The following DNMT3A variants were observed in gnomAD, a reference collection of about 807,000 sequenced individuals.
DNMT3A encodes the protein DNA (cytosine-5)-methyltransferase 3A.
Under a neutral mutation model 117.6 loss-of-function variants are expected in DNMT3A, and 267 were observed. The observed-to-expected ratio is 2.27, with a 90% CI of 2.05 to 2.51. DNMT3A has a LOEUF of 2.51. Ranked by LOEUF, DNMT3A falls within the 30% of genes most tolerant of loss-of-function variation. The probability of loss-of-function intolerance (pLI) is 0.00; values close to 1 mark genes in which losing one functional copy is unlikely to be tolerated. For missense variants in DNMT3A, 1,029 were observed against 1,260.2 expected, an observed-to-expected ratio of 0.82 and a Z score of 2.78; for synonymous variants, 432 against 474.8, an observed-to-expected ratio of 0.91 and a Z score of 1.17.
At chr2:25,287,922 C>A (rs1044037689) in intron 3 of DNMT3A, among the ~76,000 whole-genome samples, 1 of 151,778 alleles carries the variant, frequency 6.6e-6, no homozygotes, top group South Asian at 2.1e-4. Context: ...ACAACCTCCA[C>A]CTCCTGGGTT....
chr2:25,273,302 G>C (rs560019025), intron 6 of DNMT3A, among the ~76,000 whole-genome samples: 9 of 152,226 alleles, frequency 5.9e-5, no homozygotes, highest in Middle Eastern at 3.4e-3. Context: ...GGTAGAGACA[G>C]GGGTTCACCA....
At position 25,234,786 on chromosome 2, in the gene DNMT3A, A is replaced by G. The variant is rs1164536816; in HGVS notation, c.2598-366T>C. On this transcript the variant is annotated intron_variant, in intron 22 of 22. Coordinates refer to ENST00000321117, the MANE Select transcript of DNMT3A (RefSeq NM_022552.5). This position sits in a 1 kb window ranked among gnomAD's most constrained non-coding sequence, Gnocchi z 4.5. The stretch of plus-strand genomic sequence containing the variant: ...TCTAGTTCTCCTCTCCTGCAGGGTT[A>G]GCTCGGCAACGTACACCTGGAGTCT... Among the ~76,000 whole-genome samples the G allele has an allele frequency of 6.6e-6, 1 of 152,222 alleles. No homozygotes were observed. The highest frequency in any genetic ancestry group is 1.5e-5 in the Non-Finnish European group (1 of 68,042).
chr2:25,320,022 G>A (rs1367110869), intron 1 of DNMT3A, among the ~76,000 whole-genome samples: 2 of 152,112 alleles, frequency 1.3e-5, no homozygotes, highest in Non-Finnish European at 1.5e-5. Context: ...CACCCGCCTC[G>A]GCCTCCCAAA....
intron 1 of DNMT3A, among the ~76,000 whole-genome samples, chr2:25,326,273 T>G (rs1042466774): frequency 4.6e-5 from 7 of 152,150 alleles, no homozygotes; most frequent in African/African-American, 1.7e-4. Context: ...TCAGTGAGAC[T>G]GTGACTGACT....
chr2:25,290,343 C>T (rs575208293), intron 3 of DNMT3A, among the ~76,000 whole-genome samples: 10 of 123,384 alleles, frequency 8.1e-5, no homozygotes, highest in Admixed American at 3.1e-4. Flanking sequence ...TTTTTTGAGA[C>T]GCAGTCTCAC....
rs1046113358 is a variant in DNMT3A at position 25,296,211 on chromosome 2, T to C, written c.177+3928A>G. 3.3e-5 allele frequency among the ~76,000 whole-genome samples: 5 copies of C among 152,164 alleles called. No homozygotes were observed. The highest frequency in any genetic ancestry group is 1.2e-4 in the African/African-American group (5 of 41,422). On this transcript the variant is annotated intron_variant, in intron 3 of 22. Coordinates refer to ENST00000321117, the MANE Select transcript of DNMT3A (RefSeq NM_022552.5). The surrounding 1 kb of genome is among the most constrained non-coding windows in gnomAD (Gnocchi z 4.2). ...TCTTTATCAGTTCATTTTTATTAAC[T>C]TTGGAGACAGTTGGAGAAGGGAAAG...
Position 25,244,299 on chromosome 2 carries a change from C to T in DNMT3A, c.1707G>A (p.Pro569=), listed in dbSNP as rs749106325. The T allele has an allele frequency of 1.2e-5, 19 of 1,610,808 alleles. No homozygotes were observed. The highest frequency in any genetic ancestry group is 8.4e-5 in the Admixed American group (5 of 59,516). The change falls in exon 15 of 23, where the codon CCG becomes CCA. Residue 569 remains proline (P), a synonymous_variant. Transcript: ENST00000321117. ...CVECVDLLVG[P]GAAQAAIKED... ...CCTTAATGGCTGCCTGGGCAGCCCC[C>T]GGCCCCACCAAGAGGTCCACACACT...
In DNMT3A at chr2:25,311,873, C is replaced by T. The variant is rs900871522; in HGVS notation, c.72+2040G>A. 6.6e-6 allele frequency among the ~76,000 whole-genome samples: 1 copy of T among 152,206 alleles called. No individual in the cohort carries two copies. The highest frequency in any genetic ancestry group is 1.5e-5 in the Non-Finnish European group (1 of 68,026). On this transcript the variant is annotated intron_variant, in intron 2 of 22. Coordinates refer to ENST00000321117, the MANE Select transcript of DNMT3A (RefSeq NM_022552.5). The surrounding 1 kb of genome is among the most constrained non-coding windows in gnomAD (Gnocchi z 5.2). ...GACTAGGACCTGGGATTTCTGACTC[C>T]TGGTCCAGCGTTGCTTCTCAGTCCT...
intron 19 of DNMT3A, 189 bp from the exon 20 acceptor site, chr2:25,239,404 G>T: frequency 1.5e-6 from 1 of 661,522 alleles, no homozygotes; most frequent in Non-Finnish European, 2.9e-6. Context: ...GCTGTCACTG[G>T]AACGTTCTAG....
At chr2:25,246,533 C>T (rs1674794516) in intron 10 of DNMT3A, 87 bp downstream of exon 10, 10 of 1,528,998 alleles carry the variant, frequency 6.5e-6, no homozygotes, top group Non-Finnish European at 8.8e-6. Flanking sequence ...GAGGCCTTGG[C>T]AGCCCTCCCT....
chr2:25,228,268 A>G lies in DNMT3A; in HGVS notation c.*6011T>C, dbSNP rs575551659. 9.6e-5 allele frequency: 11 copies of G among 115,054 alleles called. No individual in the cohort carries two copies. Among genetic ancestry groups the G allele is most frequent in the African/African-American group, 3.1e-4 (10 of 32,186 alleles). 7.1% of individuals were successfully genotyped at this position (115,054 alleles called of 1,614,324 possible). On this transcript the variant is annotated 3_prime_UTR_variant, in exon 23 of 23. Transcript: ENST00000321117. ...AAAAAAAAAATACAGTGGTGAAAGG[A>G]TGCTGGAACCAGGAAAAAAAAATAA...
chr2:25,305,617 G>A lies in DNMT3A; in HGVS notation c.73-5374C>T, dbSNP rs1052667723. 1.3e-5 allele frequency among the ~76,000 whole-genome samples: 2 copies of A among 152,192 alleles called. No homozygotes were observed. Among genetic ancestry groups the A allele is most frequent in the African/African-American group, 4.8e-5 (2 of 41,432 alleles). ...TGCAGGGATCAGAGAGCCAGGAAAG[G>A]AGGCCTTTAGAACCAAAATTTACAT... is the stretch of plus-strand genomic sequence containing the variant. On this transcript the variant is annotated intron_variant, in intron 2 of 22. Transcript: ENST00000321117. This position sits in a 1 kb window ranked among gnomAD's most constrained non-coding sequence, Gnocchi z 4.1.
chr2:25,308,405 A>G (rs1224822319), intron 2 of DNMT3A, among the ~76,000 whole-genome samples: 5 of 152,104 alleles, frequency 3.3e-5, no homozygotes, highest in African/African-American at 1.2e-4. Flanking sequence ...ACCCCCATCC[A>G]AGACTGTACT....
intron 4 of DNMT3A, among the ~76,000 whole-genome samples, chr2:25,279,425 A>G (rs548678849): frequency 9.9e-5 from 15 of 152,256 alleles, no homozygotes; most frequent in Admixed American, 9.2e-4. Context: ...TCCTCATCTG[A>G]ATCAACCAGC....
intron 1 of DNMT3A, chr2:25,328,492 A>G: frequency 5.4e-6 from 2 of 370,406 alleles, no homozygotes; most frequent in Admixed American, 5.8e-5. Context: ...CCACCCACCC[A>G]GGGGTCATTG....
intron 3 of DNMT3A, among the ~76,000 whole-genome samples, chr2:25,290,743 G>A (rs534024954): frequency 6.9e-6 from 1 of 144,606 alleles, no homozygotes; most frequent in East Asian, 2.2e-4. Context: ...GGGGCAAGAA[G>A]CCCTGTCCCC....
intron 19 of DNMT3A, 149 bp from the exon 20 acceptor site, chr2:25,239,364 GC>G: frequency 1.4e-6 from 1 of 702,886 alleles, no homozygotes; most frequent in Non-Finnish European, 2.6e-6. Context: ...TCCAGGAGAA[GC>G]TGGAATTACA....
rs932521395 is a variant in DNMT3A at position 25,327,167 on chromosome 2, T to C, written c.-177-13006A>G. 6.6e-6 allele frequency among the ~76,000 whole-genome samples: 1 copy of C among 152,164 alleles called. No individual in the cohort carries two copies. The highest frequency in any genetic ancestry group is 1.5e-5 in the Non-Finnish European group (1 of 68,022). The stretch of plus-strand genomic sequence containing the variant: ...TCATATCTATTATTTTTGTATTCTT[T>C]GGAGTTATTTTTACTTCTTACTAGC... On this transcript the variant is annotated intron_variant, in intron 1 of 22. Coordinates refer to ENST00000321117, the MANE Select transcript of DNMT3A (RefSeq NM_022552.5). The surrounding 1 kb of genome is among the most constrained non-coding windows in gnomAD (Gnocchi z 4.1).
In DNMT3A at chr2:25,252,669, G is replaced by A. The variant is rs1441369090; in HGVS notation, c.640-4417C>T. 6.6e-6 allele frequency among the ~76,000 whole-genome samples: 1 copy of A among 152,200 alleles called. No individual in the cohort carries two copies. Among genetic ancestry groups the A allele is most frequent in the Non-Finnish European group, 1.5e-5 (1 of 68,020 alleles). On this transcript the variant is annotated intron_variant, in intron 6 of 22. Coordinates refer to ENST00000321117, the MANE Select transcript of DNMT3A (RefSeq NM_022552.5). The surrounding 1 kb of genome is among the most constrained non-coding windows in gnomAD (Gnocchi z 5.5). Reference sequence around the variant, plus strand: ...GGGGCTGCTCCCGAGCCGCCTGCCCGGAGGGAGCCGGGGGTCCGGGCGAAA... The same window carrying A: ...GGGGCTGCTCCCGAGCCGCCTGCCCAGAGGGAGCCGGGGGTCCGGGCGAAA...
Sources: allele counts gnomAD v4.1 joint callset (sites outside exome capture counted in the v4.1 genomes callset), GRCh38; gene constraint gnomAD v4.1.1; non-coding constraint Gnocchi (gnomAD v3.1); transcripts MANE v1.5; gene names NCBI Gene and HGNC (gene_info 2026-07-23, HGNC 2026-07-21).